CDH2: variants seen among roughly 807,000 people sequenced by gnomAD.
CDH2 encodes cadherin 2.
CDH2 carries 17 observed loss-of-function variants against 92.0 expected under a neutral mutation model. The observed-to-expected ratio is 0.18, with a 90% CI of 0.13 to 0.28. CDH2 has a LOEUF of 0.28. Ranked by LOEUF, CDH2 falls within the 10% of genes least tolerant of loss-of-function variation. The pLI, the probability that CDH2 is intolerant of heterozygous loss-of-function variation, is 1.00. For synonymous variants in CDH2, 419 were observed against 415.9 expected, an observed-to-expected ratio of 1.01 and a Z score of -0.09; for missense variants, 862 against 1,133.1, an observed-to-expected ratio of 0.76 and a Z score of 3.44.
intron 2 of CDH2, among the ~76,000 whole-genome samples, chr18:28,043,638 A>T (rs1186994522): frequency 4.0e-5 from 6 of 150,336 alleles, no homozygotes; most frequent in Admixed American, 2.0e-4. Context: ...TCCAAACTTT[A>T]TGGTTTTTCC....
At chr18:28,044,850 C>T (rs1026298630) in intron 2 of CDH2, among the ~76,000 whole-genome samples, 5 of 148,504 alleles carry the variant, frequency 3.4e-5, no homozygotes, top group Non-Finnish European at 6.0e-5. Context: ...TATATAACAT[C>T]GTGTGTGTGT....
chr18:28,024,105 TC>T (rs1386355292), intron 2 of CDH2, among the ~76,000 whole-genome samples: 1 of 152,158 alleles, frequency 6.6e-6, no homozygotes, highest in African/African-American at 2.4e-5. Flanking sequence ...ACTACTTACG[TC>T]TAAGATGGCT....
chr18:28,080,641 T>C (rs950005716), intron 2 of CDH2, among the ~76,000 whole-genome samples: 4 of 152,216 alleles, frequency 2.6e-5, no homozygotes, highest in African/African-American at 9.6e-5. Context: ...TACAGCTTAT[T>C]TGTGAAATCA....
At chr18:28,067,806 C>A (rs753165174) in intron 2 of CDH2, among the ~76,000 whole-genome samples, 9 of 152,048 alleles carry the variant, frequency 5.9e-5, no homozygotes, top group Non-Finnish European at 1.2e-4. Context: ...TATTGAATGT[C>A]CCTTAGGGTC....
At chr18:28,049,794 G>T (rs572681344) in intron 2 of CDH2, among the ~76,000 whole-genome samples, 1 of 152,180 alleles carries the variant, frequency 6.6e-6, no homozygotes, top group Non-Finnish European at 1.5e-5. Context: ...TAATTATTAT[G>T]ATGATAATCA....
intron 2 of CDH2, among the ~76,000 whole-genome samples, chr18:28,074,691 CTTT>C (rs33980354): frequency 6.8e-6 from 1 of 146,034 alleles, no homozygotes; most frequent in African/African-American, 2.5e-5. Flanking sequence ...AAAGGAGGCC[CTTT>C]TTTTTTTTTA....
intron 2 of CDH2, among the ~76,000 whole-genome samples, chr18:28,046,876 G>T (rs894170779): frequency 1.7e-4 from 26 of 152,198 alleles, no homozygotes; most frequent in South Asian, 4.1e-4. Context: ...GGATAAAAGT[G>T]ACAGAAGCCA....
chr18:27,965,439 G>A (rs1328862116), intron 14 of CDH2, among the ~76,000 whole-genome samples: 1 of 152,198 alleles, frequency 6.6e-6, no homozygotes, highest in Non-Finnish European at 1.5e-5. Flanking sequence ...GGGGAAATCA[G>A]CTTTAGCTCT....
At chr18:27,971,994 C>T (rs1220157) in intron 14 of CDH2, among the ~76,000 whole-genome samples, 48,798 of 152,024 alleles carry the variant, frequency 0.32, 8,046 homozygotes, top group East Asian at 0.44. Context: ...AGGTCTGGTT[C>T]CCGAGACTGG....
At chr18:28,125,101 C>T (rs1397755938) in intron 2 of CDH2, among the ~76,000 whole-genome samples, 3 of 152,156 alleles carry the variant, frequency 2.0e-5, no homozygotes, top group African/African-American at 7.2e-5. Flanking sequence ...GTACGTGAGA[C>T]ATTAGAAAAC....
chr18:28,114,601 C>G (rs560317541), intron 2 of CDH2, among the ~76,000 whole-genome samples: 1 of 152,148 alleles, frequency 6.6e-6, no homozygotes, highest in South Asian at 2.1e-4. Context: ...ATGTTCTTCT[C>G]CTTTAAATTC....
intron 2 of CDH2, among the ~76,000 whole-genome samples, chr18:28,038,591 T>C (rs994635756): frequency 6.6e-6 from 1 of 152,076 alleles, no homozygotes; most frequent in East Asian, 1.9e-4. Flanking sequence ...TTTTGTGCAG[T>C]TGAAGTCCCA....
chr18:28,134,410 TA>T (rs556776985), intron 2 of CDH2, among the ~76,000 whole-genome samples: 16 of 151,068 alleles, frequency 1.1e-4, no homozygotes, highest in African/African-American at 3.4e-4. Flanking sequence ...CCGTCAGGGT[TA>T]AAAAAAAATG....
intron 2 of CDH2, among the ~76,000 whole-genome samples, chr18:28,020,441 T>C (rs1242874289): frequency 2.0e-5 from 3 of 151,960 alleles, no homozygotes; most frequent in Admixed American, 6.6e-5. Flanking sequence ...GCTTCAAAAA[T>C]TAAACTTTGA....
intron 1 of CDH2, among the ~76,000 whole-genome samples, chr18:28,163,107 G>A (rs1379275107): frequency 6.6e-6 from 1 of 152,100 alleles, no homozygotes; most frequent in Non-Finnish European, 1.5e-5. Flanking sequence ...GACACTTCAA[G>A]GCAAACCAAA....
intron 2 of CDH2, among the ~76,000 whole-genome samples, chr18:28,106,770 T>C (rs895609885): frequency 2.0e-5 from 3 of 152,192 alleles, no homozygotes; most frequent in Admixed American, 6.5e-5. Context: ...TTTAAAATAA[T>C]GTATAATTTA....
intron 7 of CDH2, among the ~76,000 whole-genome samples, chr18:27,996,639 G>T (rs2012591276): frequency 6.6e-6 from 1 of 152,012 alleles, no homozygotes; most frequent in Non-Finnish European, 1.5e-5. Flanking sequence ...GCCTCACTGT[G>T]CATGTGTGTG....
chr18:28,141,334 T>C (rs1299136256), intron 2 of CDH2, among the ~76,000 whole-genome samples: 2 of 151,886 alleles, frequency 1.3e-5, no homozygotes, highest in Middle Eastern at 3.2e-3. Flanking sequence ...GCAAAAGGTG[T>C]ATGAGGCTAC....
chr18:28,073,322 T>C (rs2014656389), intron 2 of CDH2, among the ~76,000 whole-genome samples: 2 of 152,182 alleles, frequency 1.3e-5, no homozygotes, highest in African/African-American at 2.4e-5. Context: ...TCCCATACAA[T>C]GAGGGCCTTT....
Sources: gnomAD v4.1 joint callset for allele counts (sites outside exome capture counted in the v4.1 genomes callset) on GRCh38, gnomAD v4.1.1 for gene constraint, MANE v1.5 for transcripts, NCBI Gene and HGNC (gene_info 2026-07-23, HGNC 2026-07-21) for gene names.